SNTB2: variants seen among roughly 807,000 people sequenced by gnomAD.
The protein encoded by SNTB2 is beta-2-syntrophin.
A neutral mutation model predicts 46.2 loss-of-function variants in SNTB2; 34 were observed. That is an observed-to-expected ratio of 0.74 (90% CI 0.56 to 0.98). The LOEUF (loss-of-function observed/expected upper bound fraction) is 0.98. Among genes scored for constraint, SNTB2 ranks in the 50% least tolerant of loss-of-function variants. The probability of loss-of-function intolerance (pLI) is 0.00; values close to 1 mark genes in which losing one functional copy is unlikely to be tolerated. For synonymous variants in SNTB2, 290 were observed against 312.6 expected, an observed-to-expected ratio of 0.93 and a Z score of 0.76; for missense variants, 603 against 731.4, an observed-to-expected ratio of 0.82 and a Z score of 2.02.
intron 1 of SNTB2, chr16:69,235,696 G>C (rs1411478536): frequency 1.6e-6 from 2 of 1,274,230 alleles, no homozygotes; most frequent in Non-Finnish European, 2.0e-6. Context: ...TCAAACTGCT[G>C]TATCCCCAGG....
At chr16:69,235,478 C>G (rs551325811) in intron 1 of SNTB2, among the ~76,000 whole-genome samples, 1 of 152,192 alleles carries the variant, frequency 6.6e-6, no homozygotes, top group East Asian at 1.9e-4. Flanking sequence ...GGGCTTTTCT[C>G]TGTAGTTTCT....
chr16:69,230,374 CTTTTT>C (rs1467853082), intron 1 of SNTB2: 2 of 124,834 alleles, frequency 1.6e-5, no homozygotes. Flanking sequence ...TTTTTTTTTT[CTTTTT>C]GAGACGGAGT....
intron 4 of SNTB2, among the ~76,000 whole-genome samples, chr16:69,276,212 A>C (rs1046921291): frequency 5.3e-5 from 8 of 152,196 alleles, no homozygotes; most frequent in Non-Finnish European, 1.2e-4. Flanking sequence ...CAAAAAAAAA[A>C]AAAAGTGTGG....
intron 2 of SNTB2, 105 bp downstream of exon 2, chr16:69,245,920 C>T: frequency 8.5e-7 from 1 of 1,170,624 alleles, no homozygotes; most frequent in South Asian, 1.4e-5. Flanking sequence ...AGGAAAACAT[C>T]TGTCTGAGGT....
At chr16:69,257,186 A>G (rs1226525830) in intron 2 of SNTB2, among the ~76,000 whole-genome samples, 2 of 151,536 alleles carry the variant, frequency 1.3e-5, no homozygotes, top group Non-Finnish European at 2.9e-5. Flanking sequence ...AAAAAAAAAA[A>G]GTTACCAATT....
chr16:69,263,213 C>T (rs1964853316), intron 3 of SNTB2, among the ~76,000 whole-genome samples: 2 of 151,518 alleles, frequency 1.3e-5, no homozygotes, highest in Admixed American at 1.3e-4. Context: ...CCCAAGCAGT[C>T]CTCCCACTTC....
At chr16:69,214,373 C>G (rs975863784) in intron 1 of SNTB2, among the ~76,000 whole-genome samples, 2 of 151,552 alleles carry the variant, frequency 1.3e-5, no homozygotes, top group African/African-American at 4.9e-5. Context: ...GTTTTGAACT[C>G]CTGACCTCAA....
At chr16:69,224,257 G>C (rs915537211) in intron 1 of SNTB2, among the ~76,000 whole-genome samples, 15 of 146,178 alleles carry the variant, frequency 1.0e-4, no homozygotes, top group African/African-American at 3.8e-4. Flanking sequence ...TGTTGCCCAG[G>C]CTGGAGTGCA....
chr16:69,213,199 A>G (rs2152292388), intron 1 of SNTB2, among the ~76,000 whole-genome samples: 1 of 152,312 alleles, frequency 6.6e-6, no homozygotes, highest in East Asian at 1.9e-4. Context: ...CATTTCATTA[A>G]TTATACACAT....
intron 1 of SNTB2, among the ~76,000 whole-genome samples, chr16:69,203,442 A>T (rs994075488): frequency 6.6e-6 from 1 of 151,922 alleles, no homozygotes; most frequent in Non-Finnish European, 1.5e-5. Context: ...GACCTTAAGC[A>T]ATCCTCCTGC....
At chr16:69,219,979 T>C (rs1273087978) in intron 1 of SNTB2, among the ~76,000 whole-genome samples, 3 of 151,954 alleles carry the variant, frequency 2.0e-5, no homozygotes, top group Non-Finnish European at 2.9e-5. Context: ...CTTGATCTCC[T>C]GACCTCATGA....
At position 69,307,462 on chromosome 16, in the gene SNTB2, AAAATT is replaced by A. The variant is rs1467006761; in HGVS notation, c.*6541_*6545del. The A allele has an allele frequency of 6.6e-6, 1 of 152,228 alleles. No individual in the cohort carries two copies. Among genetic ancestry groups the A allele is most frequent in the African/African-American group, 2.4e-5 (1 of 41,450 alleles). 9.4% of individuals were successfully genotyped at this position (152,228 alleles called of 1,614,324 possible). ...CTTTGTAAGATAAATCACAACAACA[AAAATT>A]AAGTTTTATTGCACAAAGTAGATAA... On this transcript the variant is annotated 3_prime_UTR_variant, in exon 7 of 7. Transcript: ENST00000336278.
At chr16:69,196,560 A>C (rs965037656) in intron 1 of SNTB2, among the ~76,000 whole-genome samples, 3 of 151,752 alleles carry the variant, frequency 2.0e-5, no homozygotes, top group African/African-American at 7.3e-5. Flanking sequence ...TTTTTAGTAG[A>C]GATGGAGTTT....
intron 1 of SNTB2, among the ~76,000 whole-genome samples, chr16:69,239,647 C>T (rs1184139017): frequency 5.9e-5 from 9 of 152,184 alleles, no homozygotes; most frequent in Non-Finnish European, 1.5e-5. Context: ...CTCCTGGGTT[C>T]AAGCCTCCTG....
At chr16:69,235,860 T>C in intron 1 of SNTB2, 1 of 1,288,630 alleles carries the variant, frequency 7.8e-7, no homozygotes, top group South Asian at 1.2e-5. Flanking sequence ...TAGCTACCAC[T>C]TCTACAACTG....
At chr16:69,208,500 T>G (rs1013486174) in intron 1 of SNTB2, among the ~76,000 whole-genome samples, 4 of 152,220 alleles carry the variant, frequency 2.6e-5, no homozygotes, top group African/African-American at 9.6e-5. Context: ...TTAAACCATT[T>G]GCTGTGTATA....
intron 1 of SNTB2, among the ~76,000 whole-genome samples, chr16:69,205,064 A>G (rs1229821288): frequency 1.3e-5 from 2 of 152,060 alleles, no homozygotes; most frequent in African/African-American, 2.4e-5. Flanking sequence ...ACATGACCCA[A>G]TTTACTTCCC....
At chr16:69,207,154 C>CTTTCTTTTTTT (rs771500331) in intron 1 of SNTB2, among the ~76,000 whole-genome samples, 2 of 126,448 alleles carry the variant, frequency 1.6e-5, no homozygotes, top group Non-Finnish European at 3.3e-5. Flanking sequence ...TTCTTTCTTT[C>CTTTCTTTTTTT]TTTTTTTTTT....
chr16:69,201,750 A>C (rs897672966), intron 1 of SNTB2, among the ~76,000 whole-genome samples: 5 of 152,192 alleles, frequency 3.3e-5, no homozygotes, highest in Non-Finnish European at 1.5e-5. Flanking sequence ...GAGTTTGAAT[A>C]GTTATTTTAG....
Sources: gnomAD v4.1 joint callset for allele counts (sites outside exome capture counted in the v4.1 genomes callset) on GRCh38, gnomAD v4.1.1 for gene constraint, MANE v1.5 for transcripts, NCBI Gene and HGNC (gene_info 2026-07-23, HGNC 2026-07-21) for gene names.